CHN2: variants seen among roughly 807,000 people sequenced by gnomAD.
The protein encoded by CHN2 is chimerin 2, also known as beta-chimaerin.
Under a neutral mutation model 56.3 loss-of-function variants are expected in CHN2, and 35 were observed. That is an observed-to-expected ratio of 0.62 (90% CI 0.47 to 0.82). The LOEUF is 0.82. Among genes scored for constraint, CHN2 ranks in the 40% least tolerant of loss-of-function variants. CHN2 has a pLI of 0.00. For synonymous variants in CHN2, 210 were observed against 212.8 expected (o/e 0.99, Z 0.12); for missense variants, 491 against 580.5 (o/e 0.85, Z 1.58).
At chr7:29,264,843 A>C (rs967639020) in intron 1 of CHN2, among the ~76,000 whole-genome samples, 3 of 151,746 alleles carry the variant, frequency 2.0e-5, no homozygotes, top group Non-Finnish European at 4.4e-5. Context: ...AGAATTTAAA[A>C]ATTAAAAAAG....
upstream of CHN2, chr7:29,194,236 G>C (rs907788554): frequency 1.4e-5 from 2 of 146,906 alleles, no homozygotes; most frequent in Admixed American, 1.4e-4. Context: ...GCAGCGCTGC[G>C]CGCAGCAGCC....
At chr7:29,480,889 GC>G (rs1321219011) in intron 7 of CHN2, among the ~76,000 whole-genome samples, 1 of 146,228 alleles carries the variant, frequency 6.8e-6, no homozygotes, top group Non-Finnish European at 1.5e-5. Context: ...GGTACGGCTA[GC>G]AGGGGGGGCA....
chr7:29,360,370 A>G lies in CHN2; in HGVS notation c.88+5707A>G, dbSNP rs1234118304. ...AACCCCATCTCTACTGAAAATACAA[A>G]ATTAGCCAGGCATGGTGGTGCATGC... On this transcript the variant is annotated intron_variant, in intron 2 of 12. Coordinates refer to ENST00000222792, the MANE Select transcript of CHN2 (RefSeq NM_004067.4). 2.0e-5 allele frequency among the ~76,000 whole-genome samples: 3 copies of G among 151,818 alleles called. No homozygotes were observed. In the East Asian group the frequency reaches 5.8e-4, roughly 29 times the overall value.
chr7:29,199,002 T>C (rs1207126217), intron 1 of CHN2, among the ~76,000 whole-genome samples: 1 of 152,190 alleles, frequency 6.6e-6, no homozygotes, highest in Admixed American at 6.5e-5. Context: ...CAGAAAAAGA[T>C]AACAAGTCAG....
chr7:29,347,196 A>G, intron 1 of CHN2, among the ~76,000 whole-genome samples: 1 of 152,166 alleles, frequency 6.6e-6, no homozygotes, highest in Non-Finnish European at 1.5e-5. Context: ...CGTTGCTGAG[A>G]ATTTCAATTG....
intron 6 of CHN2, among the ~76,000 whole-genome samples, chr7:29,417,601 G>A (rs528091013): frequency 1.3e-5 from 2 of 152,270 alleles, no homozygotes; most frequent in South Asian, 4.2e-4. Context: ...AGGTTGAACC[G>A]TAATGCCACT....
rs1554358915 is a variant in CHN2, at chr7:29,195,649, T to TGAGA, written c.49+676_49+679dup. On this transcript the variant is annotated intron_variant, in intron 1 of 12. Coordinates refer to ENST00000222792, the MANE Select transcript of CHN2 (RefSeq NM_004067.4). ...GAGAGAGTGTGTGTGTGTGTGTGTGTGAGAGAGAGAGAGAGAGAGACTCCT... is the reference window on the plus strand; with the variant it reads ...GAGAGAGTGTGTGTGTGTGTGTGTGTGAGAGAGAGAGAGAGAGAGAGAGACTCCT... 7.6e-4 allele frequency among the ~76,000 whole-genome samples: 99 copies of TGAGA among 130,726 alleles called. 2 individuals are homozygous for TGAGA. Among genetic ancestry groups the TGAGA allele is most frequent in the East Asian group, 2.8e-3 (12 of 4,318 alleles). 85.8% of individuals were successfully genotyped at this position (130,726 alleles called of 152,430 possible).
chr7:29,292,513 T>C (rs1792716660), intron 1 of CHN2, among the ~76,000 whole-genome samples: 1 of 152,260 alleles, frequency 6.6e-6, no homozygotes, highest in South Asian at 2.1e-4. Context: ...ATTGGCATAT[T>C]GGAACAGACA....
chr7:29,390,659 A>G (rs1801292110), intron 3 of CHN2, among the ~76,000 whole-genome samples: 1 of 152,346 alleles, frequency 6.6e-6, no homozygotes, highest in Non-Finnish European at 1.5e-5. Flanking sequence ...AGAGAATCTC[A>G]TACAATTGGA....
At chr7:29,457,249 A>G (rs1397436331) in intron 6 of CHN2, among the ~76,000 whole-genome samples, 2 of 152,042 alleles carry the variant, frequency 1.3e-5, no homozygotes, top group East Asian at 1.9e-4. Context: ...TGACAGCACC[A>G]TGTCCTTTAG....
At chr7:29,176,618 G>T (rs1370727458) in intron 2 of CHN2, among the ~76,000 whole-genome samples, 1 of 151,982 alleles carries the variant, frequency 6.6e-6, no homozygotes, top group African/African-American at 2.4e-5. Context: ...GCTTTAAAAG[G>T]GTATTTTTTA....
intron 2 of CHN2, 58 bp downstream of exon 2, chr7:29,354,721 C>T: frequency 6.6e-7 from 1 of 1,503,810 alleles, no homozygotes. Context: ...CCTTTCTGAA[C>T]AATTCTTGCC....
intron 1 of CHN2, among the ~76,000 whole-genome samples, chr7:29,251,964 A>G (rs1018449692): frequency 9.9e-5 from 15 of 152,250 alleles, no homozygotes; most frequent in African/African-American, 3.6e-4. Flanking sequence ...TACACATGCT[A>G]TATATACTTA....
chr7:29,409,504 A>G (rs1326682741), intron 6 of CHN2, among the ~76,000 whole-genome samples: 1 of 152,176 alleles, frequency 6.6e-6, no homozygotes, highest in Non-Finnish European at 1.5e-5. Flanking sequence ...CTGGCTTAAA[A>G]GAAGACAGCT....
At chr7:29,367,374 G>A (rs1450157179) in intron 2 of CHN2, among the ~76,000 whole-genome samples, 1 of 152,152 alleles carries the variant, frequency 6.6e-6, no homozygotes, top group African/African-American at 2.4e-5. Flanking sequence ...AAATGGATGT[G>A]AATTTGCAGT....
At chr7:29,255,066 T>C (rs1047652962) in intron 1 of CHN2, among the ~76,000 whole-genome samples, 1 of 152,182 alleles carries the variant, frequency 6.6e-6, no homozygotes, top group African/African-American at 2.4e-5. Context: ...CAGGTCCATT[T>C]ACACCAGGAG....
intron 1 of CHN2, among the ~76,000 whole-genome samples, chr7:29,271,917 C>A (rs1359945970): frequency 6.6e-6 from 1 of 152,144 alleles, no homozygotes; most frequent in Non-Finnish European, 1.5e-5. Context: ...CTGCATGTAG[C>A]TGGGGCTCAC....
intron 6 of CHN2, among the ~76,000 whole-genome samples, chr7:29,467,938 C>A (rs1262072208): frequency 6.6e-6 from 1 of 152,080 alleles, no homozygotes; most frequent in East Asian, 1.9e-4. Context: ...TTAGAAACTA[C>A]CACTATGTTT....
At chr7:29,416,284 A>AT (rs1803734719) in intron 6 of CHN2, among the ~76,000 whole-genome samples, 1 of 152,286 alleles carries the variant, frequency 6.6e-6, no homozygotes, top group African/African-American at 2.4e-5. Flanking sequence ...TTATCATAAA[A>AT]TAAAAAATAC....
Sources: gnomAD v4.1 joint callset for allele counts (sites outside exome capture counted in the v4.1 genomes callset) on GRCh38, gnomAD v4.1.1 for gene constraint, MANE v1.5 for transcripts, NCBI Gene and HGNC (gene_info 2026-07-23, HGNC 2026-07-21) for gene names.